ZNF680: variants seen among roughly 807,000 people sequenced by gnomAD.
ZNF680 encodes zinc finger protein 680.
Under a neutral mutation model 12.1 loss-of-function variants are expected in ZNF680, and 6 were observed. The ratio of observed to expected loss-of-function variants is 0.49; its 90% CI spans 0.27 to 0.98. ZNF680 has a LOEUF of 0.98. Ranked by LOEUF, ZNF680 falls within the 50% of genes least tolerant of loss-of-function variation. The pLI, the probability that ZNF680 is intolerant of heterozygous loss-of-function variation, is 0.12. For missense variants in ZNF680, 561 were observed against 616.3 expected (o/e 0.91, Z 0.95); for synonymous variants, 170 against 199.3 (o/e 0.85, Z 1.24).
the ZNF680 span, among the ~76,000 whole-genome samples, chr7:64,501,997 CTTT>C: frequency 9.6e-6 from 1 of 104,516 alleles, no homozygotes; most frequent in Admixed American, 1.1e-4. Context: ...GGACGTATTT[CTTT>C]TTTTTTTTTT....
rs776820290 is a variant in ZNF680, at chr7:64,522,400, C to G, written c.354G>C (p.Glu118Asp). The G allele has an allele frequency of 6.2e-7, 1 of 1,611,912 alleles. No homozygotes were observed. Among genetic ancestry groups the G allele is most frequent in the East Asian group, 2.2e-5 (1 of 44,750 alleles). Residue 118 changes from glutamate (E) to aspartate (D), a missense_variant, in exon 4 of 4, where the codon GAG becomes GAC. By Grantham distance (45) the Glu-to-Asp change is conservative. Transcript: ENST00000309683. The part of the protein sequence containing the change: ...ILRGYGKCGH[E>D]NLQLRISCKS... ...TACAACTTATTCTTAATTGTAAATT[C>G]TCATGTCCACATTTTCCATATCCTC...
At chr7:64,516,118 CAG>C (rs1791349713), downstream of ZNF680, among the ~76,000 whole-genome samples, 1 of 152,212 alleles carries the variant, frequency 6.6e-6, no homozygotes, top group South Asian at 2.1e-4. Flanking sequence ...CCCAGCCTCA[CAG>C]GGGGAACTCC....
At chr7:64,562,041 T>C (rs1787773020) in intron 1 of ZNF680, among the ~76,000 whole-genome samples, 1 of 150,590 alleles carries the variant, frequency 6.6e-6, no homozygotes, top group African/African-American at 2.4e-5. Flanking sequence ...AAGACCAGCC[T>C]GTCCAACATG....
chr7:64,510,909 C>CA, the ZNF680 span, among the ~76,000 whole-genome samples: 94 of 45,274 alleles, frequency 2.1e-3, 9 homozygotes, highest in South Asian at 0.036. Context: ...GACTCCGTCT[C>CA]AAAAAAAAAA....
the ZNF680 span, among the ~76,000 whole-genome samples, chr7:64,512,984 C>T: frequency 6.6e-6 from 1 of 151,992 alleles, no homozygotes; most frequent in Non-Finnish European, 1.5e-5. Context: ...ATTATTCTGG[C>T]CAAATATTAA....
At chr7:64,536,303 CAT>C (rs1786165060) in intron 3 of ZNF680, among the ~76,000 whole-genome samples, 2 of 152,090 alleles carry the variant, frequency 1.3e-5, no homozygotes, top group Admixed American at 1.3e-4. Context: ...TATAAAGAAA[CAT>C]GTTTATTTGG....
At chr7:64,553,979 G>A (rs1430380992) in intron 1 of ZNF680, among the ~76,000 whole-genome samples, 6 of 151,948 alleles carry the variant, frequency 3.9e-5, no homozygotes, top group South Asian at 2.1e-4. Context: ...CCAAAGTGCC[G>A]AGATTGCAGC....
intron 1 of ZNF680, among the ~76,000 whole-genome samples, chr7:64,546,085 T>A (rs962307330): frequency 6.6e-6 from 1 of 152,136 alleles, no homozygotes; most frequent in Non-Finnish European, 1.5e-5. Flanking sequence ...TTTAAAGTAA[T>A]TGAAACTAGC....
At chr7:64,531,880 A>G (rs1350146784) in intron 3 of ZNF680, among the ~76,000 whole-genome samples, 1 of 152,188 alleles carries the variant, frequency 6.6e-6, no homozygotes, top group Non-Finnish European at 1.5e-5. Flanking sequence ...ACACTTCAAG[A>G]AACTAGAGAA....
chr7:64,535,617 T>C (rs1341300962), intron 3 of ZNF680, among the ~76,000 whole-genome samples: 1 of 152,048 alleles, frequency 6.6e-6, no homozygotes, highest in Non-Finnish European at 1.5e-5. Context: ...TTGGGTGAGA[T>C]GGTCATCATT....
the ZNF680 span, among the ~76,000 whole-genome samples, chr7:64,512,380 G>C: frequency 1.3e-5 from 2 of 150,724 alleles, no homozygotes; most frequent in African/African-American, 4.9e-5. Flanking sequence ...TTGAACCCGG[G>C]AGGCAGAGGT....
chr7:64,552,546 G>C (rs1218928485), intron 1 of ZNF680, among the ~76,000 whole-genome samples: 1 of 152,068 alleles, frequency 6.6e-6, no homozygotes, highest in Non-Finnish European at 1.5e-5. Flanking sequence ...CTTACTTATA[G>C]TTATCCCTAC....
intron 3 of ZNF680, chr7:64,524,698 A>C (rs1033187100): frequency 2.0e-5 from 3 of 152,196 alleles, no homozygotes; most frequent in Non-Finnish European, 4.4e-5. Context: ...AGAGGCATAA[A>C]GAACACTCAA....
chr7:64,508,123 GTA>G, the ZNF680 span, among the ~76,000 whole-genome samples: 76 of 117,648 alleles, frequency 6.5e-4, 3 homozygotes, highest in African/African-American at 1.5e-3. Context: ...ATTTTAAAAT[GTA>G]TATATATATA....
At chr7:64,510,126 C>T in the ZNF680 span, among the ~76,000 whole-genome samples, 1 of 151,052 alleles carries the variant, frequency 6.6e-6, no homozygotes, top group Non-Finnish European at 1.5e-5. Context: ...ACAAAAAAGC[C>T]CCAAGGAAAA....
intron 3 of ZNF680, among the ~76,000 whole-genome samples, chr7:64,532,122 G>A (rs148295070): frequency 0.05 from 7,614 of 152,110 alleles, 278 homozygotes; most frequent in East Asian, 0.17. Context: ...TAGCTAACAC[G>A]GGGAAACCCC....
chr7:64,544,746 C>T (rs968345702), intron 1 of ZNF680, among the ~76,000 whole-genome samples: 4 of 152,198 alleles, frequency 2.6e-5, no homozygotes. Context: ...TTACATCATA[C>T]ACAATGAGTT....
At chr7:64,503,923 A>G in the ZNF680 span, among the ~76,000 whole-genome samples, 2 of 152,246 alleles carry the variant, frequency 1.3e-5, no homozygotes, top group Admixed American at 6.5e-5. Flanking sequence ...TAAAAAAATC[A>G]TAAATCTTCT....
the ZNF680 span, among the ~76,000 whole-genome samples, chr7:64,513,172 A>C: frequency 6.6e-6 from 1 of 152,202 alleles, no homozygotes; most frequent in African/African-American, 2.4e-5. Context: ...TTTACATTCA[A>C]GTTAAAAATT....
Sources: gnomAD v4.1 joint callset for allele counts (sites outside exome capture counted in the v4.1 genomes callset) on GRCh38, gnomAD v4.1.1 for gene constraint, MANE v1.5 for transcripts, NCBI Gene and HGNC (gene_info 2026-07-23, HGNC 2026-07-21) for gene names.